ADCY1: variants seen among roughly 807,000 people sequenced by gnomAD.
ADCY1 encodes the protein adenylate cyclase 1, also known as adenylate cyclase type 1.
A neutral mutation model predicts 105.4 loss-of-function variants in ADCY1; 28 were observed. The observed-to-expected ratio is 0.27, with a 90% CI of 0.20 to 0.36. The LOEUF (loss-of-function observed/expected upper bound fraction) is 0.36, where lower values mean the gene tolerates loss of function less well. Ranked by LOEUF, ADCY1 falls within the 10% of genes least tolerant of loss-of-function variation. The pLI is 1.00. For synonymous variants in ADCY1, 655 were observed against 623.8 expected (o/e 1.05, Z -0.75); for missense variants, 977 against 1,434.2 (o/e 0.68, Z 5.15).
chr7:45,663,059 G>A (rs1284031582), intron 8 of ADCY1, among the ~76,000 whole-genome samples: 3 of 152,240 alleles, frequency 2.0e-5, no homozygotes, highest in African/African-American at 7.2e-5. Context: ...CTGCAGAGAT[G>A]TCTGTGGTGG....
intron 8 of ADCY1, among the ~76,000 whole-genome samples, chr7:45,667,303 G>A (rs556206418): frequency 2.0e-5 from 3 of 152,256 alleles, no homozygotes; most frequent in East Asian, 1.9e-4. Context: ...ATTAATTTTT[G>A]TATAAGGCGT....
intron 14 of ADCY1, among the ~76,000 whole-genome samples, chr7:45,698,140 C>T (rs1784922011): frequency 6.6e-6 from 1 of 150,942 alleles, no homozygotes; most frequent in South Asian, 2.1e-4. Context: ...TGTGTGCATG[C>T]ACACACAAAC....
chr7:45,582,322 C>A (rs537302295), intron 1 of ADCY1, among the ~76,000 whole-genome samples: 1 of 152,156 alleles, frequency 6.6e-6, no homozygotes, highest in Non-Finnish European at 1.5e-5. Flanking sequence ...CCAGTTCCTG[C>A]ACCTCCAGCT....
chr7:45,652,397 T>C (rs1794833927), intron 5 of ADCY1, among the ~76,000 whole-genome samples: 1 of 152,202 alleles, frequency 6.6e-6, no homozygotes, highest in Non-Finnish European at 1.5e-5. Flanking sequence ...ATTGTCAGCC[T>C]CTTTTCAGGC....
At chr7:45,611,942 AC>A (rs1320624754) in intron 3 of ADCY1, among the ~76,000 whole-genome samples, 6 of 152,230 alleles carry the variant, frequency 3.9e-5, no homozygotes, top group African/African-American at 1.4e-4. Context: ...TATGTTGAGC[AC>A]CACAGACTGG....
rs1030692075 is a variant in ADCY1 at position 45,721,434 on chromosome 7, G to T, written c.*7439G>T. The T allele has an allele frequency of 8.0e-6, 3 of 376,962 alleles. No homozygotes were observed. The highest frequency in any genetic ancestry group is 6.2e-5 in the African/African-American group (3 of 48,284). 23.4% of individuals were successfully genotyped at this position (376,962 alleles called of 1,614,324 possible). A position where few individuals can be genotyped will look rare whatever the true frequency, so the allele number is the denominator to read the frequency against. On this transcript the variant is annotated 3_prime_UTR_variant, in exon 20 of 20. Transcript: ENST00000297323. ...CATTGCGTCTAATTTCAAATATACAGAATCTCCTTAAGAGCTGTTGCCTTA... is the reference window on the plus strand; with the variant it reads ...CATTGCGTCTAATTTCAAATATACATAATCTCCTTAAGAGCTGTTGCCTTA...
chr7:45,622,757 T>G lies in ADCY1; in HGVS notation c.1020+14T>G, dbSNP rs1365191265. ...GAATTAGCCACGGTAAGTGCAGCGT[T>G]TTTCTTTGTTCGAATTAAATTAGAA... On this transcript the variant is annotated intron_variant, in intron 4 of 19. Coordinates refer to ENST00000297323, the MANE Select transcript of ADCY1 (RefSeq NM_021116.4). The G allele has an allele frequency of 6.2e-7, 1 of 1,600,100 alleles. No homozygotes were observed. The highest frequency in any genetic ancestry group is 1.3e-5 in the African/African-American group (1 of 74,312).
intron 2 of ADCY1, among the ~76,000 whole-genome samples, chr7:45,598,933 T>C (rs1345292622): frequency 6.6e-6 from 1 of 152,122 alleles, no homozygotes; most frequent in African/African-American, 2.4e-5. Flanking sequence ...TTGTTTTCAT[T>C]AGTGGTTTGG....
chr7:45,642,620 A>G (rs961761833), intron 4 of ADCY1, among the ~76,000 whole-genome samples: 6 of 152,008 alleles, frequency 3.9e-5, no homozygotes, highest in Non-Finnish European at 8.8e-5. Context: ...TTGTTGTTTT[A>G]ATAACCCTTC....
chr7:45,610,278 C>G, intron 2 of ADCY1, 101 bp from the exon 3 acceptor site: 1 of 1,049,292 alleles, frequency 9.5e-7, no homozygotes, highest in Non-Finnish European at 1.4e-6. Context: ...GTGGGCCTAC[C>G]CAGGCTCAGG....
At chr7:45,678,989 C>T (rs1211323893) in intron 10 of ADCY1, among the ~76,000 whole-genome samples, 1 of 152,118 alleles carries the variant, frequency 6.6e-6, no homozygotes, top group Non-Finnish European at 1.5e-5. Context: ...CTTAAAATCC[C>T]TCTTAAAAGG....
intron 8 of ADCY1, among the ~76,000 whole-genome samples, chr7:45,670,763 C>T (rs1431402464): frequency 1.3e-5 from 2 of 152,146 alleles, no homozygotes; most frequent in Non-Finnish European, 2.9e-5. Context: ...CCTTCAGTCC[C>T]TGACCTGAGG....
chr7:45,645,991 G>C (rs1039991693), intron 4 of ADCY1, among the ~76,000 whole-genome samples: 7 of 151,816 alleles, frequency 4.6e-5, no homozygotes, highest in Non-Finnish European at 8.8e-5. Context: ...TCTCAGGGAG[G>C]GGGTGGGAGG....
intron 11 of ADCY1, among the ~76,000 whole-genome samples, chr7:45,680,160 C>T (rs574956047): frequency 1.1e-4 from 16 of 152,350 alleles, no homozygotes; most frequent in African/African-American, 3.4e-4. Flanking sequence ...GCACAATAGA[C>T]TGGCGATTGA....
intron 1 of ADCY1, among the ~76,000 whole-genome samples, chr7:45,580,089 CCT>C (rs1229274448): frequency 1.3e-5 from 2 of 152,172 alleles, no homozygotes; most frequent in Non-Finnish European, 2.9e-5. Context: ...CAGAATTGCC[CCT>C]GTCAGGGCAG....
intron 2 of ADCY1, among the ~76,000 whole-genome samples, chr7:45,594,226 G>A (rs537167002): frequency 3.9e-5 from 6 of 152,154 alleles, no homozygotes; most frequent in Non-Finnish European, 8.8e-5. Context: ...ATGCGCATGT[G>A]TTGATGTGTT....
chr7:45,656,378 C>T (rs963775503), intron 5 of ADCY1, among the ~76,000 whole-genome samples: 2 of 152,148 alleles, frequency 1.3e-5, no homozygotes, highest in Non-Finnish European at 2.9e-5. Flanking sequence ...CTAACTTCCA[C>T]ATAATGTAAA....
At chr7:45,581,722 A>T (rs1792549864) in intron 1 of ADCY1, among the ~76,000 whole-genome samples, 1 of 152,214 alleles carries the variant, frequency 6.6e-6, no homozygotes, top group African/African-American at 2.4e-5. Context: ...TGAGCAAGGT[A>T]ATAGGAAGAG....
intron 14 of ADCY1, among the ~76,000 whole-genome samples, chr7:45,698,155 ATACT>A (rs961676260): frequency 5.4e-5 from 8 of 148,970 alleles, no homozygotes; most frequent in African/African-American, 1.7e-4. Flanking sequence ...ACAAACACAC[ATACT>A]CTCTTACACA....
Sources: allele counts gnomAD v4.1 joint callset (sites outside exome capture counted in the v4.1 genomes callset), GRCh38; gene constraint gnomAD v4.1.1; transcripts MANE v1.5; gene names NCBI Gene and HGNC (gene_info 2026-07-23, HGNC 2026-07-21).